Variants in RTL4 observed in about 807,000 individuals in gnomAD.
RTL4 encodes the protein retrotransposon Gag like 4.
Under a neutral mutation model 5.3 loss-of-function variants are expected in RTL4, and 4 were observed. The observed-to-expected ratio is 0.75, with a 90% CI of 0.37 to 1.72. The LOEUF is 1.72. RTL4 is among the 40% of genes most tolerant of loss of function. RTL4 has a pLI of 0.04. For synonymous variants in RTL4, 98 were observed against 87.3 expected (o/e 1.12, Z -0.68); for missense variants, 260 against 227.1 (o/e 1.14, Z -0.93).
chrX:112,188,648 G>A, the RTL4 span, among the ~76,000 whole-genome samples: 3 of 110,674 alleles, frequency 2.7e-5, no homozygotes, highest in African/African-American at 6.6e-5. Context: ...AGGCTTTTAC[G>A]GCCTTCCACT....
At chrX:112,294,637 C>T in the RTL4 span, among the ~76,000 whole-genome samples, 7 of 111,532 alleles carry the variant, frequency 6.3e-5, no homozygotes, top group African/African-American at 2.0e-4. Flanking sequence ...AAACAAAAAC[C>T]GTCAACCATT....
At chrX:112,457,306 G>A (rs868545058), downstream of RTL4, among the ~76,000 whole-genome samples, 1 of 111,646 alleles carries the variant, frequency 9.0e-6, no homozygotes, top group South Asian at 3.7e-4. Flanking sequence ...TTTTAACAAC[G>A]GCTCGCTGCA....
the RTL4 span, among the ~76,000 whole-genome samples, chrX:112,257,883 A>G: frequency 9.4e-6 from 1 of 105,826 alleles, no homozygotes; most frequent in East Asian, 2.9e-4. Context: ...GTATATATAT[A>G]TATGTGTATA....
the RTL4 span, among the ~76,000 whole-genome samples, chrX:112,351,140 G>T: frequency 6.3e-5 from 7 of 111,301 alleles, no homozygotes; most frequent in East Asian, 8.5e-4. Flanking sequence ...TAGTCATTCA[G>T]GAGCAGGTTG....
At chrX:112,214,600 A>G in the RTL4 span, among the ~76,000 whole-genome samples, 1 of 112,006 alleles carries the variant, frequency 8.9e-6, no homozygotes, top group Non-Finnish European at 1.9e-5. Context: ...ACTGTTTTCT[A>G]TAGTGGTTGC....
At chrX:112,232,258 T>G in the RTL4 span, among the ~76,000 whole-genome samples, 1 of 111,785 alleles carries the variant, frequency 8.9e-6, no homozygotes, top group Admixed American at 9.5e-5. Context: ...TACCATCACC[T>G]TTCTAGGTGA....
At chrX:112,337,434 C>A in the RTL4 span, among the ~76,000 whole-genome samples, 1 of 110,374 alleles carries the variant, frequency 9.1e-6, no homozygotes, top group African/African-American at 3.3e-5. Flanking sequence ...CAGGCACCTG[C>A]CACCATGCCC....
chrX:112,337,627 T>C, the RTL4 span, among the ~76,000 whole-genome samples: 1 of 111,963 alleles, frequency 8.9e-6, no homozygotes, highest in Non-Finnish European at 1.9e-5. Flanking sequence ...TAGATGCACT[T>C]GAATTTCCTT....
At chrX:112,169,797 G>A in the RTL4 span, among the ~76,000 whole-genome samples, 1 of 111,691 alleles carries the variant, frequency 9.0e-6, no homozygotes, top group South Asian at 3.8e-4. Flanking sequence ...TTGGCCTAAG[G>A]ACTATTATTA....
chrX:112,372,266 T>C, the RTL4 span, among the ~76,000 whole-genome samples: 23,140 of 110,711 alleles, frequency 0.21, 1,888 homozygotes, highest in Admixed American at 0.32. Flanking sequence ...TTGCTCAAAA[T>C]ATTTGCTTGG....
the RTL4 span, among the ~76,000 whole-genome samples, chrX:112,424,471 T>G: frequency 9.0e-6 from 1 of 111,315 alleles, no homozygotes; most frequent in Non-Finnish European, 1.9e-5. Flanking sequence ...TTCTGGTAAC[T>G]GCTACATCTG....
the RTL4 span, among the ~76,000 whole-genome samples, chrX:112,161,958 C>T: frequency 9.3e-6 from 1 of 108,021 alleles, no homozygotes; most frequent in Non-Finnish European, 1.9e-5. Context: ...ATATCTTCTT[C>T]CACATGCAAA....
chrX:112,288,073 C>G, the RTL4 span, among the ~76,000 whole-genome samples: 2 of 111,923 alleles, frequency 1.8e-5, no homozygotes, highest in African/African-American at 3.2e-5. Context: ...AACTGTTGCT[C>G]TTGGTCAATT....
the RTL4 span, among the ~76,000 whole-genome samples, chrX:112,148,707 A>G: frequency 8.9e-6 from 1 of 112,033 alleles, no homozygotes; most frequent in Admixed American, 9.5e-5. Context: ...ACTTTTTGAT[A>G]GTTACTCGAT....
At chrX:112,368,956 A>G in the RTL4 span, among the ~76,000 whole-genome samples, 749 of 112,923 alleles carry the variant, frequency 6.6e-3, 3 homozygotes, top group Non-Finnish European at 0.011. Context: ...TGAATTGTCC[A>G]CTACAAGTAC....
chrX:112,190,184 CT>C, the RTL4 span, among the ~76,000 whole-genome samples: 1 of 97,978 alleles, frequency 1.0e-5, no homozygotes, highest in Non-Finnish European at 2.1e-5. Flanking sequence ...TTCTTTCTTT[CT>C]TTCTTTCTTT....
chrX:112,177,390 C>T, the RTL4 span, among the ~76,000 whole-genome samples: 1 of 110,655 alleles, frequency 9.0e-6, no homozygotes, highest in Non-Finnish European at 1.9e-5. Context: ...GAGGTCATAC[C>T]CCATAGTGGT....
At chrX:112,455,631 G>A (rs752942950) in exon 1 of RTL4, 35 of 1,207,356 alleles carry the variant, frequency 2.9e-5, no homozygotes, top group East Asian at 5.9e-5. Context: ...CTCGAGCTCC[G>A]GCAACGACAA....
upstream of RTL4, among the ~76,000 whole-genome samples, chrX:112,452,266 T>C (rs1926753354): frequency 1.0e-5 from 1 of 99,602 alleles, no homozygotes; most frequent in Non-Finnish European, 2.0e-5. Context: ...AATTTTTTTT[T>C]TTTTTTTTTT....
Sources: gnomAD v4.1 joint callset for allele counts (sites outside exome capture counted in the v4.1 genomes callset) on GRCh38, gnomAD v4.1.1 for gene constraint, MANE v1.5 for transcripts, NCBI Gene and HGNC (gene_info 2026-07-23, HGNC 2026-07-21) for gene names.